NAV2: variants seen among roughly 807,000 people sequenced by gnomAD.
The protein encoded by NAV2 is helicase, APC down-regulated 1.
NAV2 carries 54 observed loss-of-function variants against 223.2 expected under a neutral mutation model. The ratio of observed to expected loss-of-function variants is 0.24; its 90% CI spans 0.19 to 0.30. The LOEUF is 0.30. NAV2 is among the 10% of genes least tolerant of loss of function. NAV2 has a pLI of 1.00. For missense variants in NAV2, 2,806 were observed against 3,147.5 expected (o/e 0.89, Z 2.60); for synonymous variants, 1,279 against 1,239.3 (o/e 1.03, Z -0.67).
At chr11:19,877,902 C>CCT (rs1313233616) in intron 4 of NAV2, among the ~76,000 whole-genome samples, 8 of 152,268 alleles carry the variant, frequency 5.3e-5, no homozygotes, top group African/African-American at 1.9e-4. Flanking sequence ...TTCATCCAAG[C>CCT]CTCACACTCT....
rs77837029 is a variant in NAV2 at position 19,508,236 on chromosome 11, C to T, written c.75+157209C>T. ...ACTGATTCCTCTGGAGTTGCAGCAA[C>T]TCCTACCCTGACCTGATCCATGGGT... On this transcript the variant is annotated intron_variant, in intron 1 of 37. Coordinates refer to the NAV2 transcript ENST00000360655. 4.6e-3 allele frequency among the ~76,000 whole-genome samples: 695 copies of T among 152,202 alleles called. 2 individuals carry two copies. Among genetic ancestry groups the T allele is most frequent in the African/African-American group, 0.016 (672 of 41,540 alleles).
At chr11:19,967,681 C>G (rs568823580) in intron 10 of NAV2, among the ~76,000 whole-genome samples, 1 of 152,200 alleles carries the variant, frequency 6.6e-6, no homozygotes, top group South Asian at 2.1e-4. Flanking sequence ...ACTCCCTGTT[C>G]CTGGGAATAT....
At chr11:19,435,283 G>A (rs1281947541) in intron 1 of NAV2, among the ~76,000 whole-genome samples, 1 of 151,908 alleles carries the variant, frequency 6.6e-6, no homozygotes, top group Non-Finnish European at 1.5e-5. Context: ...TCTTCTATGA[G>A]TCTGGCTTTT....
chr11:19,902,060 T>A (rs369586726), intron 6 of NAV2, among the ~76,000 whole-genome samples: 8 of 152,132 alleles, frequency 5.3e-5, no homozygotes, highest in African/African-American at 1.9e-4. Flanking sequence ...TTGGTGGTAC[T>A]TTATGTGGAG....
At chr11:19,435,924 T>C (rs954879025) in intron 1 of NAV2, among the ~76,000 whole-genome samples, 2 of 152,178 alleles carry the variant, frequency 1.3e-5, no homozygotes, top group African/African-American at 2.4e-5. Flanking sequence ...TTATTTGTGT[T>C]CTTGTTATTG....
intron 1 of NAV2, among the ~76,000 whole-genome samples, chr11:19,591,872 G>T (rs753243123): frequency 6.6e-6 from 1 of 152,196 alleles, no homozygotes; most frequent in Non-Finnish European, 1.5e-5. Context: ...CAGATGGCTG[G>T]CTGCTTGTTG....
intron 1 of NAV2, among the ~76,000 whole-genome samples, chr11:19,831,197 C>A (rs1565391899): frequency 8.3e-6 from 1 of 120,718 alleles, no homozygotes; most frequent in African/African-American, 3.4e-5. Context: ...CTGACCCCGG[C>A]TCCTGTTCCC....
Position 19,518,779 on chromosome 11 carries a change from G to C in NAV2, c.75+167752G>C, listed in dbSNP as rs374006502. On this transcript the variant is annotated intron_variant, in intron 1 of 37. Transcript: ENST00000360655. ...TATAACGGTAATAATTGCCCTGGAC[G>C]GGGTGTTTGCGCCCCTACTCAAAAT... Among the ~76,000 whole-genome samples the C allele has an allele frequency of 1.2e-4, 18 of 152,178 alleles. No individual in the cohort carries two copies. The East Asian group carries it at 1.5e-3, about 13-fold the overall frequency.
rs2057985219 is a variant in NAV2 at position 20,051,318 on chromosome 11, C to T, written c.4466C>T (p.Pro1489Leu). Residue 1489 changes from proline to leucine, a missense_variant, in exon 17 of 38, where the codon CCT (proline) becomes CTT (leucine). Pro to Leu is a moderately conservative substitution (Grantham distance 98). Coordinates refer to ENST00000349880, the MANE Select transcript of NAV2 (RefSeq NM_145117.5). Reference sequence around the variant, plus strand: ...CCGCACCTTGATAGGAACACTTTGCCTAAGAAAGGACTCAGGTATCTGTGT... The same window carrying T: ...CCGCACCTTGATAGGAACACTTTGCTTAAGAAAGGACTCAGGTATCTGTGT... ...SDPHLDRNTL[P>L]KKGLRYTPTS... 6.2e-7 allele frequency: 1 copy of T among 1,613,982 alleles called. No individual in the cohort carries two copies. Among genetic ancestry groups the T allele is most frequent in the Non-Finnish European group, 8.5e-7 (1 of 1,179,976 alleles).
intron 1 of NAV2, chr11:19,777,848 C>T (rs2056395054): frequency 3.1e-5 from 14 of 455,758 alleles, no homozygotes; most frequent in South Asian, 2.2e-4. Flanking sequence ...AGCATGTCTG[C>T]GCCCTCACAG....
intron 1 of NAV2, among the ~76,000 whole-genome samples, chr11:19,482,570 T>A (rs2042313025): frequency 6.6e-6 from 1 of 151,302 alleles, no homozygotes; most frequent in African/African-American, 2.4e-5. Flanking sequence ...GAAGATAGAG[T>A]CTTAGGGGAG....
intron 11 of NAV2, among the ~76,000 whole-genome samples, chr11:20,024,473 G>A (rs1275056404): frequency 1.6e-5 from 2 of 124,410 alleles, no homozygotes; most frequent in African/African-American, 6.1e-5. Flanking sequence ...GACGCTGAAT[G>A]TATGGAGTCT....
At chr11:20,106,195 A>ATGTG (rs1592179575) in intron 35 of NAV2, among the ~76,000 whole-genome samples, 1 of 22,160 alleles carries the variant, frequency 4.5e-5, no homozygotes, top group Non-Finnish European at 1.6e-4. Flanking sequence ...ATATATATAT[A>ATGTG]TATATATATA....
intron 1 of NAV2, among the ~76,000 whole-genome samples, chr11:19,818,996 C>T (rs557478481): frequency 6.6e-6 from 1 of 152,288 alleles, no homozygotes; most frequent in South Asian, 2.1e-4. Context: ...TGAACATTCA[C>T]CAGTCTGTTT....
At chr11:19,958,950 C>T (rs1235541443) in intron 10 of NAV2, among the ~76,000 whole-genome samples, 1 of 152,182 alleles carries the variant, frequency 6.6e-6, no homozygotes, top group Non-Finnish European at 1.5e-5. Context: ...GCCAGGGGAA[C>T]AGATGCACAA....
rs142163837 is a variant in NAV2 at position 19,867,023 on chromosome 11, T to TG, written c.439-1896dup. Among the ~76,000 whole-genome samples, 370 of 152,252 alleles carry TG rather than the reference T, an allele frequency of 2.4e-3. 1 individual carries two copies. The highest frequency in any genetic ancestry group is 8.3e-3 in the African/African-American group (346 of 41,542). On this transcript the variant is annotated intron_variant, in intron 3 of 37. Coordinates refer to ENST00000349880, the MANE Select transcript of NAV2 (RefSeq NM_145117.5). ...ATTATTTAAATACTAGTGTCTCTTT[T>TG]GGGGGGCAACAAGTCCTTTTGAGTG...
chr11:19,580,745 C>T (rs1181608523), intron 1 of NAV2, among the ~76,000 whole-genome samples: 1 of 152,168 alleles, frequency 6.6e-6, no homozygotes, highest in Non-Finnish European at 1.5e-5. Context: ...CCGCATAGAC[C>T]TTCTTGAACA....
intron 1 of NAV2, among the ~76,000 whole-genome samples, chr11:19,458,147 C>T (rs1210918263): frequency 1.3e-5 from 2 of 152,208 alleles, no homozygotes; most frequent in Admixed American, 1.3e-4. Context: ...ATGGCAGTCT[C>T]ACTGGCGGAG....
chr11:19,878,670 G>C (rs1285229430), intron 4 of NAV2, among the ~76,000 whole-genome samples: 3 of 152,140 alleles, frequency 2.0e-5, no homozygotes, highest in Non-Finnish European at 4.4e-5. Context: ...TGCTCCAAGG[G>C]AAATAATTCA....
Sources: allele counts gnomAD v4.1 joint callset (sites outside exome capture counted in the v4.1 genomes callset), GRCh38; gene constraint gnomAD v4.1.1; transcripts MANE v1.5; gene names NCBI Gene and HGNC (gene_info 2026-07-23, HGNC 2026-07-21).